Variants in UBE2H observed in about 807,000 individuals in gnomAD.
UBE2H encodes ubiquitin-conjugating enzyme E2 H.
A neutral mutation model predicts 29.0 loss-of-function variants in UBE2H; 3 were observed. The ratio of observed to expected loss-of-function variants is 0.10; its 90% confidence interval spans 0.05 to 0.27. The LOEUF is 0.27. Ranked by LOEUF, UBE2H falls within the 10% of genes least tolerant of loss-of-function variation. The pLI, the probability that UBE2H is intolerant of heterozygous loss-of-function variation, is 1.00. For synonymous variants in UBE2H, 69 were observed against 82.9 expected (o/e 0.83, Z 0.91); for missense variants, 68 against 228.2 (o/e 0.30, Z 4.52).
chr7:129,924,912 C>T (rs1347562600), intron 1 of UBE2H, among the ~76,000 whole-genome samples: 1 of 151,772 alleles, frequency 6.6e-6, no homozygotes, highest in East Asian at 1.9e-4. Flanking sequence ...AAATCAGGTC[C>T]TCTGAGTTAA....
At chr7:129,854,060 G>GTTTTTTTTTTTTTTTTTTTTT (rs56362841) in intron 5 of UBE2H, among the ~76,000 whole-genome samples, 4 of 100,314 alleles carry the variant, frequency 4.0e-5, no homozygotes, top group Non-Finnish European at 5.9e-5. Context: ...TTTAGTGTTA[G>GTTTTTTTTTTTTTTTTTTTTT]TTTTTTTTTT....
intron 1 of UBE2H, among the ~76,000 whole-genome samples, chr7:129,909,827 C>T (rs1806893923): frequency 6.6e-6 from 1 of 152,098 alleles, no homozygotes; most frequent in Non-Finnish European, 1.5e-5. Flanking sequence ...AGAGATAAGA[C>T]ACAGAATCTA....
At chr7:129,870,432 A>T (rs978078901) in intron 3 of UBE2H, among the ~76,000 whole-genome samples, 1 of 152,230 alleles carries the variant, frequency 6.6e-6, no homozygotes, top group Admixed American at 6.5e-5. Flanking sequence ...CCAGAGCAAC[A>T]TGGTGAAACC....
At chr7:129,869,888 C>T (rs1805993170) in intron 3 of UBE2H, among the ~76,000 whole-genome samples, 1 of 152,028 alleles carries the variant, frequency 6.6e-6, no homozygotes, top group East Asian at 1.9e-4. Flanking sequence ...GCATCACCTA[C>T]AATCTTCCCT....
intron 2 of UBE2H, among the ~76,000 whole-genome samples, chr7:129,879,959 C>A (rs1382755225): frequency 1.3e-5 from 2 of 152,174 alleles, no homozygotes; most frequent in South Asian, 4.1e-4. Flanking sequence ...CCATATTCAT[C>A]CCCCCTCCAA....
intron 1 of UBE2H, among the ~76,000 whole-genome samples, chr7:129,922,253 G>A (rs1807178412): frequency 2.0e-5 from 3 of 150,400 alleles, no homozygotes; most frequent in Admixed American, 2.0e-4. Flanking sequence ...CTCCCAGAGT[G>A]CTAGGATTAC....
intron 1 of UBE2H, among the ~76,000 whole-genome samples, chr7:129,922,547 G>C (rs1807184855): frequency 6.6e-6 from 1 of 151,828 alleles, no homozygotes; most frequent in South Asian, 2.1e-4. Context: ...AAAATCCTGA[G>C]GTTACAGGCA....
chr7:129,907,250 A>G (rs1005424201), intron 1 of UBE2H, among the ~76,000 whole-genome samples: 2 of 152,158 alleles, frequency 1.3e-5, no homozygotes, highest in African/African-American at 2.4e-5. Flanking sequence ...TGGAATTTCA[A>G]TACAAGTTGC....
At chr7:129,934,638 T>TTAAA (rs1554440987) in intron 1 of UBE2H, among the ~76,000 whole-genome samples, 2,457 of 65,798 alleles carry the variant, frequency 0.037, 41 homozygotes, top group East Asian at 0.12. Context: ...ACTCCGTCTT[T>TTAAA]AAAAAAAAAA....
chr7:129,836,878 T>TGAAAAAAA (rs1805336404), intron 6 of UBE2H, among the ~76,000 whole-genome samples: 1 of 24,200 alleles, frequency 4.1e-5, no homozygotes, highest in African/African-American at 1.3e-4. Flanking sequence ...AGACTCCGTC[T>TGAAAAAAA]CAAAAAAAAA....
intron 5 of UBE2H, among the ~76,000 whole-genome samples, chr7:129,840,342 A>G (rs1805406471): frequency 6.6e-6 from 1 of 151,742 alleles, no homozygotes; most frequent in South Asian, 2.1e-4. Context: ...ATGTGCCACC[A>G]TACCCAGCTA....
intron 5 of UBE2H, among the ~76,000 whole-genome samples, chr7:129,845,212 A>G (rs140622049): frequency 6.6e-6 from 1 of 152,270 alleles, no homozygotes; most frequent in African/African-American, 2.4e-5. Flanking sequence ...CTTGTCCATC[A>G]CAATTACCTG....
chr7:129,879,724 C>T, intron 2 of UBE2H, 82 bp from the exon 3 acceptor site: 1 of 1,301,482 alleles, frequency 7.7e-7, no homozygotes, highest in Non-Finnish European at 1.1e-6. Flanking sequence ...ACATTATCCC[C>T]TAATCTTCTG....
At chr7:129,840,343 T>C in intron 5 of UBE2H, among the ~76,000 whole-genome samples, 1 of 152,006 alleles carries the variant, frequency 6.6e-6, no homozygotes, top group African/African-American at 2.4e-5. Flanking sequence ...TGTGCCACCA[T>C]ACCCAGCTAA....
At chr7:129,940,422 A>T (rs1265752850) in intron 1 of UBE2H, among the ~76,000 whole-genome samples, 2 of 152,162 alleles carry the variant, frequency 1.3e-5, no homozygotes, top group African/African-American at 4.8e-5. Context: ...GCCTTTTTTG[A>T]GTCCACTGAC....
intron 5 of UBE2H, among the ~76,000 whole-genome samples, chr7:129,841,091 G>C (rs1348325719): frequency 6.6e-6 from 1 of 152,200 alleles, no homozygotes; most frequent in Non-Finnish European, 1.5e-5. Flanking sequence ...CAGTGCTGAG[G>C]TTAAGAAACC....
At chr7:129,845,553 C>T (rs1805497392) in intron 5 of UBE2H, among the ~76,000 whole-genome samples, 2 of 152,190 alleles carry the variant, frequency 1.3e-5, no homozygotes, top group Non-Finnish European at 2.9e-5. Flanking sequence ...TGTGCCAAAC[C>T]ACAGGCAGTC....
intron 1 of UBE2H, among the ~76,000 whole-genome samples, chr7:129,945,187 T>A (rs1258152510): frequency 6.6e-6 from 1 of 152,202 alleles, no homozygotes; most frequent in African/African-American, 2.4e-5. Flanking sequence ...TTGATAAGGA[T>A]AAGCTTCATG....
intron 1 of UBE2H, among the ~76,000 whole-genome samples, chr7:129,936,156 A>T (rs1020159812): frequency 2.0e-5 from 3 of 152,324 alleles, no homozygotes; most frequent in African/African-American, 7.2e-5. Flanking sequence ...AGAACTGACA[A>T]AACACTTTAA....
Sources: allele counts gnomAD v4.1 joint callset (sites outside exome capture counted in the v4.1 genomes callset), GRCh38; gene constraint gnomAD v4.1.1; transcripts MANE v1.5; gene names NCBI Gene and HGNC (gene_info 2026-07-23, HGNC 2026-07-21).